The following CCSER1 variants were observed in gnomAD, a reference collection of about 807,000 sequenced individuals.
CCSER1 encodes the protein coiled-coil serine rich protein 1, also known as serine-rich coiled-coil domain-containing protein 1.
CCSER1 carries 41 observed loss-of-function variants against 82.0 expected under a neutral mutation model. The observed-to-expected ratio is 0.50, with a 90% CI of 0.39 to 0.65. The LOEUF (loss-of-function observed/expected upper bound fraction) is 0.65, where lower values mean the gene tolerates loss of function less well. Among genes scored for constraint, CCSER1 ranks in the 30% least tolerant of loss-of-function variants. The probability of loss-of-function intolerance (pLI) is 0.00; values close to 1 mark genes in which losing one functional copy is unlikely to be tolerated. For missense variants in CCSER1, 1,119 were observed against 1,064.2 expected, an observed-to-expected ratio of 1.05 and a Z score of -0.72; for synonymous variants, 414 against 383.9, an observed-to-expected ratio of 1.08 and a Z score of -0.92.
chr4:91,551,543 C>T (rs75457323), intron 10 of CCSER1, among the ~76,000 whole-genome samples: 10,566 of 151,986 alleles, frequency 0.07, 547 homozygotes, highest in South Asian at 0.16. Context: ...AAGACCCATG[C>T]AGGGATTTTA....
chr4:91,177,343 A>C (rs1205514580), intron 10 of CCSER1, among the ~76,000 whole-genome samples: 1 of 152,218 alleles, frequency 6.6e-6, no homozygotes, highest in South Asian at 2.1e-4. Flanking sequence ...TAAAATGAGT[A>C]ATGGAGGATT....
chr4:91,315,389 GC>G (rs1392749395), intron 10 of CCSER1, among the ~76,000 whole-genome samples: 1 of 151,938 alleles, frequency 6.6e-6, no homozygotes, highest in Non-Finnish European at 1.5e-5. Flanking sequence ...CAGAGACAGT[GC>G]TGTATTTTTC....
chr4:90,852,884 C>T (rs1459830141), intron 8 of CCSER1, among the ~76,000 whole-genome samples: 1 of 152,070 alleles, frequency 6.6e-6, no homozygotes, highest in African/African-American at 2.4e-5. Context: ...GCGATTTATA[C>T]TTATGGTTCA....
chr4:91,277,697 C>A (rs536608437), intron 10 of CCSER1, among the ~76,000 whole-genome samples: 2 of 151,324 alleles, frequency 1.3e-5, no homozygotes, highest in South Asian at 4.1e-4. Context: ...TCTGCTATGA[C>A]TTTTATTATT....
intron 1 of CCSER1, among the ~76,000 whole-genome samples, chr4:90,256,271 G>A (rs1027676008): frequency 3.9e-5 from 6 of 152,054 alleles, no homozygotes; most frequent in African/African-American, 1.4e-4. Context: ...ACAAAAATAT[G>A]TAATATAAAC....
At chr4:90,588,819 C>A (rs10006786) in intron 5 of CCSER1, among the ~76,000 whole-genome samples, 62,201 of 151,968 alleles carry the variant, frequency 0.41, 14,728 homozygotes, top group African/African-American at 0.65. Context: ...GCTATGTAAG[C>A]CATGCCTTTT....
chr4:90,471,488 T>C (rs78076471), intron 5 of CCSER1, among the ~76,000 whole-genome samples: 2,224 of 152,230 alleles, frequency 0.015, 34 homozygotes, highest in African/African-American at 0.043. Flanking sequence ...ATTTGTTTCT[T>C]TTTAATATGG....
intron 9 of CCSER1, among the ~76,000 whole-genome samples, chr4:90,997,954 A>T (rs1048208557): frequency 3.3e-5 from 5 of 152,206 alleles, no homozygotes; most frequent in African/African-American, 1.2e-4. Flanking sequence ...TGCTAATGTG[A>T]TCTTGGTATC....
intron 10 of CCSER1, among the ~76,000 whole-genome samples, chr4:91,588,001 A>C (rs1764085091): frequency 6.6e-6 from 1 of 151,616 alleles, no homozygotes; most frequent in Admixed American, 6.6e-5. Flanking sequence ...TAAAATGAAA[A>C]TAATTGACAA....
At chr4:91,142,104 C>A (rs1278770792) in intron 10 of CCSER1, among the ~76,000 whole-genome samples, 1 of 152,014 alleles carries the variant, frequency 6.6e-6, no homozygotes, top group Non-Finnish European at 1.5e-5. Context: ...CCATATTTCA[C>A]CTTGAATTGT....
chr4:91,104,450 ATCTC>A (rs962802440), intron 10 of CCSER1, among the ~76,000 whole-genome samples: 1 of 152,082 alleles, frequency 6.6e-6, no homozygotes, highest in African/African-American at 2.4e-5. Context: ...TCTTTGTACT[ATCTC>A]TCTTTATTTC....
chr4:90,386,130 C>T (rs1395466942), intron 3 of CCSER1, among the ~76,000 whole-genome samples: 1 of 152,178 alleles, frequency 6.6e-6, no homozygotes, highest in Non-Finnish European at 1.5e-5. Context: ...ATACCACCAT[C>T]ATTTGTTCAC....
At chr4:91,540,630 C>G (rs1452250096) in intron 10 of CCSER1, among the ~76,000 whole-genome samples, 1 of 151,884 alleles carries the variant, frequency 6.6e-6, no homozygotes, top group East Asian at 1.9e-4. Context: ...CTTGCCATAC[C>G]CAATCTAGGT....
chr4:90,359,859 A>G (rs1259362080), intron 3 of CCSER1, among the ~76,000 whole-genome samples: 1 of 149,558 alleles, frequency 6.7e-6, no homozygotes. Context: ...GTGTGTATAT[A>G]TATGTGTATA....
intron 10 of CCSER1, among the ~76,000 whole-genome samples, chr4:91,140,581 A>C (rs1252718368): frequency 6.6e-6 from 1 of 152,120 alleles, no homozygotes; most frequent in African/African-American, 2.4e-5. Flanking sequence ...ATTATGTTTT[A>C]TTAAAAAGGA....
intron 10 of CCSER1, among the ~76,000 whole-genome samples, chr4:91,506,406 C>T (rs1376504877): frequency 6.6e-6 from 1 of 151,650 alleles, no homozygotes; most frequent in Non-Finnish European, 1.5e-5. Flanking sequence ...TTGTTTTTTG[C>T]TTAGGATTGT....
chr4:90,648,282 A>C (rs529286721), intron 6 of CCSER1, among the ~76,000 whole-genome samples: 1 of 120,634 alleles, frequency 8.3e-6, no homozygotes, highest in Non-Finnish European at 1.8e-5. Flanking sequence ...GAGAGAAAGA[A>C]AGGAAAGAAA....
intron 3 of CCSER1, among the ~76,000 whole-genome samples, chr4:90,384,301 C>G (rs1749680061): frequency 9.3e-6 from 1 of 107,580 alleles, no homozygotes; most frequent in Non-Finnish European, 1.7e-5. Context: ...TCCCCCCACC[C>G]TTTGTAGGGA....
intron 10 of CCSER1, among the ~76,000 whole-genome samples, chr4:91,351,107 CTGTT>C (rs1240089882): frequency 2.0e-5 from 3 of 151,882 alleles, no homozygotes; most frequent in African/African-American, 7.2e-5. Flanking sequence ...GAAGTTTCCT[CTGTT>C]TGTTTAATTT....
Sources: allele counts gnomAD v4.1 joint callset (sites outside exome capture counted in the v4.1 genomes callset), GRCh38; gene constraint gnomAD v4.1.1; transcripts MANE v1.5; gene names NCBI Gene and HGNC (gene_info 2026-07-23, HGNC 2026-07-21).